RGS7: variants seen among roughly 807,000 people sequenced by gnomAD.
RGS7 encodes regulator of G-protein signaling 7.
In RGS7, 27 loss-of-function variants were observed where a neutral mutation model predicts 81.1. The observed-to-expected ratio is 0.33, with a 90% confidence interval of 0.25 to 0.46. The LOEUF (loss-of-function observed/expected upper bound fraction) is 0.46, where lower values mean the gene tolerates loss of function less well. Ranked by LOEUF, RGS7 falls within the 20% of genes least tolerant of loss-of-function variation. The pLI is 1.00. For missense variants in RGS7, 396 were observed against 607.4 expected (o/e 0.65, Z 3.66); for synonymous variants, 208 against 207.7 (o/e 1.00, Z -0.01).
At chr1:241,044,409 C>T (rs2060800305) in intron 3 of RGS7, among the ~76,000 whole-genome samples, 1 of 151,882 alleles carries the variant, frequency 6.6e-6, no homozygotes, top group South Asian at 2.1e-4. Context: ...CGTGCCCTGC[C>T]CTGAATTCAT....
chr1:240,776,254 A>G, intron 18 of RGS7, 41 bp from the exon 19 acceptor site: 1 of 1,490,690 alleles, frequency 6.7e-7, no homozygotes, highest in African/African-American at 1.4e-5. Context: ...AAGAAAATCA[A>G]GTACGATCAC....
chr1:240,991,051 T>C (rs1686384144), intron 3 of RGS7, among the ~76,000 whole-genome samples: 1 of 152,216 alleles, frequency 6.6e-6, no homozygotes, highest in Non-Finnish European at 1.5e-5. Context: ...AAGCCCGATA[T>C]TCACTGTAAT....
intron 9 of RGS7, among the ~76,000 whole-genome samples, chr1:240,849,954 C>T (rs908477367): frequency 1.3e-5 from 2 of 152,184 alleles, no homozygotes; most frequent in Admixed American, 6.5e-5. Flanking sequence ...ATTCCGCACC[C>T]GTACTGGATT....
chr1:240,919,228 T>C (rs2148291567), intron 6 of RGS7, among the ~76,000 whole-genome samples: 1 of 152,250 alleles, frequency 6.6e-6, no homozygotes, highest in South Asian at 2.1e-4. Flanking sequence ...TAACTAATTC[T>C]ACAAGGCCAG....
At chr1:241,284,474 A>T (rs1376067893) in intron 2 of RGS7, among the ~76,000 whole-genome samples, 1 of 152,114 alleles carries the variant, frequency 6.6e-6, no homozygotes, top group Non-Finnish European at 1.5e-5. Flanking sequence ...ACCTGGCAAT[A>T]AAGTCCTGAC....
intron 4 of RGS7, among the ~76,000 whole-genome samples, chr1:240,962,417 A>G (rs1480526752): frequency 6.6e-6 from 1 of 151,986 alleles, no homozygotes; most frequent in Non-Finnish European, 1.5e-5. Flanking sequence ...GTTTCTCTCT[A>G]TATTCTTTCT....
intron 6 of RGS7, 35 bp downstream of exon 6, chr1:240,930,682 C>T: frequency 1.3e-6 from 2 of 1,592,698 alleles, no homozygotes; most frequent in South Asian, 1.1e-5. Flanking sequence ...CACATACAGG[C>T]TGTCAATAAT....
intron 12 of RGS7, 143 bp downstream of exon 12, chr1:240,814,573 C>T: frequency 1.6e-6 from 1 of 645,038 alleles, no homozygotes; most frequent in African/African-American, 1.8e-5. Flanking sequence ...TTTCTATGTG[C>T]AAAAAGGAAA....
intron 3 of RGS7, among the ~76,000 whole-genome samples, chr1:241,040,500 C>T (rs4660024): frequency 0.18 from 26,736 of 149,736 alleles, 2,728 homozygotes; most frequent in Non-Finnish European, 0.23. Flanking sequence ...TATTTATTTA[C>T]TTATTTATTT....
At chr1:241,280,322 C>G (rs2078431102) in intron 2 of RGS7, among the ~76,000 whole-genome samples, 1 of 152,136 alleles carries the variant, frequency 6.6e-6, no homozygotes, top group Non-Finnish European at 1.5e-5. Flanking sequence ...GGGAATGGAA[C>G]ACATTCTTCC....
intron 2 of RGS7, among the ~76,000 whole-genome samples, chr1:241,117,620 G>A (rs1467776115): frequency 6.6e-6 from 1 of 152,078 alleles, no homozygotes; most frequent in Non-Finnish European, 1.5e-5. Context: ...GAAAACTCCT[G>A]GTTAATTTGA....
At chr1:241,154,875 G>C (rs561863124) in intron 2 of RGS7, among the ~76,000 whole-genome samples, 4 of 151,948 alleles carry the variant, frequency 2.6e-5, no homozygotes, top group African/African-American at 9.7e-5. Context: ...TGTAGTCAAC[G>C]GTGAGAGCAA....
chr1:241,075,805 T>C (rs1382788149), intron 3 of RGS7, among the ~76,000 whole-genome samples: 1 of 152,186 alleles, frequency 6.6e-6, no homozygotes, highest in East Asian at 1.9e-4. Context: ...GTCTGGGTTA[T>C]GAGAATTGTC....
intron 2 of RGS7, among the ~76,000 whole-genome samples, chr1:241,248,347 T>C (rs1436631943): frequency 6.7e-6 from 1 of 148,252 alleles, no homozygotes; most frequent in East Asian, 1.9e-4. Context: ...GTTGTAGATA[T>C]ATATACATAT....
intron 2 of RGS7, among the ~76,000 whole-genome samples, chr1:241,123,023 C>A (rs989884063): frequency 6.6e-6 from 1 of 152,158 alleles, no homozygotes; most frequent in Non-Finnish European, 1.5e-5. Context: ...AGGGAAATTT[C>A]CTGCTCTTGT....
chr1:240,983,165 G>T, intron 3 of RGS7, 36 bp from the exon 4 acceptor site: 2 of 1,225,744 alleles, frequency 1.6e-6, no homozygotes, highest in Non-Finnish European at 1.2e-6. Context: ...AAACAGATGT[G>T]AACATTTTGT....
chr1:241,171,869 ATCAG>A (rs1412005300), intron 2 of RGS7, among the ~76,000 whole-genome samples: 1 of 152,258 alleles, frequency 6.6e-6, no homozygotes, highest in Non-Finnish European at 1.5e-5. Context: ...AAAAAATCAA[ATCAG>A]TCAGAGCTAA....
At chr1:241,194,993 A>G (rs1364588428) in intron 2 of RGS7, among the ~76,000 whole-genome samples, 1 of 152,172 alleles carries the variant, frequency 6.6e-6, no homozygotes, top group Admixed American at 6.5e-5. Context: ...CAAGCCTTAT[A>G]AAGGTTTAAG....
chr1:241,068,097 CA>C (rs1282547888), intron 3 of RGS7, among the ~76,000 whole-genome samples: 1 of 151,054 alleles, frequency 6.6e-6, no homozygotes, highest in Non-Finnish European at 1.5e-5. Flanking sequence ...CTGCTGACCA[CA>C]AGCACCCTAG....
Sources: allele counts gnomAD v4.1 joint callset (sites outside exome capture counted in the v4.1 genomes callset), GRCh38; gene constraint gnomAD v4.1.1; transcripts MANE v1.5; gene names NCBI Gene and HGNC (gene_info 2026-07-23, HGNC 2026-07-21).